Variants in SLC35A3 observed in about 807,000 individuals in gnomAD.
SLC35A3 encodes the protein UDP-N-acetylglucosamine transporter.
Under a neutral mutation model 39.0 loss-of-function variants are expected in SLC35A3, and 26 were observed. The ratio of observed to expected loss-of-function variants is 0.67; its 90% CI spans 0.49 to 0.92. The LOEUF is 0.92. Among genes scored for constraint, SLC35A3 ranks in the 40% least tolerant of loss-of-function variants. The pLI, the probability that SLC35A3 is intolerant of heterozygous loss-of-function variation, is 0.00. For synonymous variants in SLC35A3, 135 were observed against 133.1 expected (o/e 1.01, Z -0.10); for missense variants, 299 against 371.6 (o/e 0.80, Z 1.61).
intron 5 of SLC35A3, among the ~76,000 whole-genome samples, chr1:100,012,325 G>A (rs1025772601): frequency 2.6e-5 from 4 of 152,096 alleles, no homozygotes; most frequent in African/African-American, 9.7e-5. Flanking sequence ...AATAAGGTTT[G>A]TGTGAGTTGC....
intron 1 of SLC35A3, among the ~76,000 whole-genome samples, chr1:99,988,057 GA>G (rs1470647101): frequency 2.6e-5 from 4 of 152,066 alleles, no homozygotes; most frequent in African/African-American, 9.7e-5. Flanking sequence ...TTATACCCCT[GA>G]ATTGTAGATT....
chr1:99,994,562 C>T (rs2101140124), intron 2 of SLC35A3, among the ~76,000 whole-genome samples: 1 of 152,284 alleles, frequency 6.6e-6, no homozygotes, highest in Non-Finnish European at 1.5e-5. Flanking sequence ...CCTTTTAGGT[C>T]TGGCACTTAG....
At chr1:99,994,054 CTAATG>C (rs975813917) in intron 2 of SLC35A3, among the ~76,000 whole-genome samples, 26 of 152,026 alleles carry the variant, frequency 1.7e-4, no homozygotes, top group Non-Finnish European at 3.5e-4. Flanking sequence ...AATTTTTTTA[CTAATG>C]TAAACACCTT....
At chr1:100,011,738 T>A (rs1212192473) in intron 5 of SLC35A3, among the ~76,000 whole-genome samples, 2 of 141,540 alleles carry the variant, frequency 1.4e-5, no homozygotes, top group Non-Finnish European at 3.1e-5. Flanking sequence ...TTATTTATTT[T>A]TGACAGATTC....
chr1:99,994,160 C>A (rs1362254830), intron 2 of SLC35A3, among the ~76,000 whole-genome samples: 1 of 152,050 alleles, frequency 6.6e-6, no homozygotes, highest in African/African-American at 2.4e-5. Context: ...ATGAGCCATA[C>A]AATTTATGTG....
At position 100,032,087 on chromosome 1, in the gene SLC35A3, G is replaced by A. The variant is rs900500948; in HGVS notation, c.*9611G>A. ...ATTTTATATTGTATCATATTAAAAG[G>A]CACAGATAATCTCATTATTAATGTT... is the stretch of plus-strand genomic sequence containing the variant. On this transcript the variant is annotated 3_prime_UTR_variant, in exon 8 of 8. Coordinates refer to ENST00000533028, the MANE Select transcript of SLC35A3 (RefSeq NM_012243.3). 2.0e-5 allele frequency: 3 copies of A among 150,840 alleles called. No individual in the cohort carries two copies. Among genetic ancestry groups the A allele is most frequent in the East Asian group, 1.9e-4 (1 of 5,194 alleles). The allele number at this position is 150,840 out of a possible 1,614,324, so 9.3% of individuals were successfully genotyped here.
intron 5 of SLC35A3, 67 bp from the exon 6 acceptor site, chr1:100,015,235 C>A: frequency 1.5e-6 from 2 of 1,320,006 alleles, no homozygotes; most frequent in South Asian, 2.2e-5. Context: ...TTTGGAATGT[C>A]AGTGGAAAAA....
chr1:99,984,335 A>G (rs1017808341), intron 1 of SLC35A3, among the ~76,000 whole-genome samples: 1 of 152,242 alleles, frequency 6.6e-6, no homozygotes, highest in Non-Finnish European at 1.5e-5. Context: ...GAGTGAGAAC[A>G]TAATGATGTT....
At position 99,978,832 on chromosome 1, in the gene SLC35A3, C is replaced by T. The variant is rs557360822; in HGVS notation, c.-19+8670C>T. 3.0e-4 allele frequency: 46 copies of T among 152,264 alleles called. No homozygotes were observed. In the East Asian group the frequency reaches 4.4e-3, roughly 15 times the overall value. The allele number at this position is 152,264 out of a possible 1,614,324, so 9.4% of individuals were successfully genotyped here. A position where few individuals can be genotyped will look rare whatever the true frequency, so the allele number is the denominator to read the frequency against. On this transcript the variant is annotated intron_variant, in intron 1 of 7. Coordinates refer to ENST00000533028, the MANE Select transcript of SLC35A3 (RefSeq NM_012243.3). ...GCAAGGAATTGTTCTATGTACTCTTCGGTAAACCAGTTTTCCTAATAATTA... is the reference window on the plus strand; with the variant it reads ...GCAAGGAATTGTTCTATGTACTCTTTGGTAAACCAGTTTTCCTAATAATTA...
intron 4 of SLC35A3, chr1:100,009,372 G>A (rs971392866): frequency 6.6e-6 from 1 of 152,174 alleles, no homozygotes; most frequent in African/African-American, 2.4e-5. Context: ...GCACAAATAA[G>A]TTAAGGAGTG....
At position 100,032,780 on chromosome 1, in the gene SLC35A3, C is replaced by T. The variant is rs1056625094; in HGVS notation, c.*10304C>T. 7 of 151,980 alleles carry T rather than the reference C, an allele frequency of 4.6e-5. No individual in the cohort carries two copies. Among genetic ancestry groups the T allele is most frequent in the Non-Finnish European group, 8.8e-5 (6 of 68,000 alleles). The allele number at this position is 151,980 out of a possible 1,614,324, so 9.4% of individuals were successfully genotyped here. A position where few individuals can be genotyped will look rare whatever the true frequency, so the allele number is the denominator to read the frequency against. On this transcript the variant is annotated 3_prime_UTR_variant, in exon 8 of 8. Transcript: ENST00000533028. ...CAGGCTGGTCTTGAACTCCTGACCT[C>T]GTGATCCACCCGCCTCGGCCTCCCA...
intron 7 of SLC35A3, among the ~76,000 whole-genome samples, chr1:100,018,250 G>A (rs1434264822): frequency 6.6e-6 from 1 of 152,204 alleles, no homozygotes; most frequent in East Asian, 1.9e-4. Flanking sequence ...TGCAGGAGGA[G>A]TTATAGGTGA....
chr1:100,028,836 A>C lies in SLC35A3; in HGVS notation c.*6360A>C, dbSNP rs1386280847. On this transcript the variant is annotated 3_prime_UTR_variant, in exon 8 of 8. Transcript: ENST00000533028. ...CCCTCAGTTCTGGCTAGAAAGAGAAAACTTACTAAAAGCTATTATACTCAC... is the reference window on the plus strand; with the variant it reads ...CCCTCAGTTCTGGCTAGAAAGAGAACACTTACTAAAAGCTATTATACTCAC... The C allele has an allele frequency of 6.6e-6, 1 of 152,236 alleles. No homozygotes were observed. Among genetic ancestry groups the C allele is most frequent in the Non-Finnish European group, 1.5e-5 (1 of 68,040 alleles). 9.4% of individuals were successfully genotyped at this position (152,236 alleles called of 1,614,324 possible).
intron 1 of SLC35A3, among the ~76,000 whole-genome samples, chr1:99,987,542 G>T (rs74102297): frequency 0.091 from 13,846 of 152,100 alleles, 1,126 homozygotes; most frequent in African/African-American, 0.22. Flanking sequence ...TTCAGTTGAG[G>T]GTAGGAATTG....
chr1:99,994,231 G>C (rs553394600), intron 2 of SLC35A3, among the ~76,000 whole-genome samples: 1 of 151,886 alleles, frequency 6.6e-6, no homozygotes, highest in Non-Finnish European at 1.5e-5. Flanking sequence ...TAAACCTGTG[G>C]TAAAGTATAT....
chr1:100,011,438 T>C lies in SLC35A3; in HGVS notation c.539T>C (p.Leu180Pro). 1 of 1,585,714 alleles carries C rather than the reference T, an allele frequency of 6.3e-7. No individual in the cohort carries two copies. The highest frequency in any genetic ancestry group is 8.6e-7 in the Non-Finnish European group (1 of 1,160,338). ...GSQFVGLMAV[L>P]TACFSSGFAG... is the part of the protein sequence containing the mutation. The stretch of plus-strand genomic sequence containing the variant: ...CAATTTGTAGGACTCATGGCAGTTC[T>C]CACAGCATGTTTTTCAAGTGGCTTT... The change falls in exon 5 of 8, where the codon CTC becomes CCC. Residue 180 changes from leucine to proline, a missense_variant. By Grantham distance (98) the Leu-to-Pro change is moderately conservative. Coordinates refer to ENST00000533028, the MANE Select transcript of SLC35A3 (RefSeq NM_012243.3).
At chr1:99,998,954 A>C (rs932605545) in intron 2 of SLC35A3, among the ~76,000 whole-genome samples, 1 of 152,212 alleles carries the variant, frequency 6.6e-6, no homozygotes, top group African/African-American at 2.4e-5. Context: ...TTGGTTAACA[A>C]ATTAAAACTT....
In SLC35A3 at chr1:100,011,394, G is replaced by A; in HGVS notation, c.495G>A (p.Lys165=). Residue 165 remains lysine (K), a synonymous_variant, in exon 5 of 8, where the codon AAG becomes AAA. Transcript: ENST00000533028. ...QWPSDSQLDS[K]ELSAGSQFVG... is the part of the protein sequence containing the mutation. ...CCTCAGATTCTCAGCTTGATTCTAA[G>A]GAACTTTCAGCTGGTTCTCAATTTG... 1 of 1,550,320 alleles carries A rather than the reference G, an allele frequency of 6.5e-7. No individual in the cohort carries two copies. The highest frequency in any genetic ancestry group is 1.4e-5 in the African/African-American group (1 of 72,922).
chr1:99,986,930 T>C lies in SLC35A3; in HGVS notation c.-18-6607T>C, dbSNP rs78564113. Among the ~76,000 whole-genome samples the C allele has an allele frequency of 1.0e-3, 153 of 152,332 alleles. 1 individual carries two copies. Among genetic ancestry groups the C allele is most frequent in the Non-Finnish European group, 1.9e-3 (132 of 68,022 alleles). On this transcript the variant is annotated intron_variant, in intron 1 of 7. Coordinates refer to ENST00000533028, the MANE Select transcript of SLC35A3 (RefSeq NM_012243.3). Reference sequence around the variant, plus strand: ...AGAAGTTAGAGCATTGCTGTTATAATAGGGACATTATGGTCTTGTTTGCAC... The same window carrying C: ...AGAAGTTAGAGCATTGCTGTTATAACAGGGACATTATGGTCTTGTTTGCAC...
Sources: gnomAD v4.1 joint callset for allele counts (sites outside exome capture counted in the v4.1 genomes callset) on GRCh38, gnomAD v4.1.1 for gene constraint, MANE v1.5 for transcripts, NCBI Gene and HGNC (gene_info 2026-07-23, HGNC 2026-07-21) for gene names.